Variants in ELP4 observed in about 807,000 individuals in gnomAD.
ELP4 encodes elongator complex protein 4.
A neutral mutation model predicts 48.9 loss-of-function variants in ELP4; 51 were observed. The ratio of observed to expected loss-of-function variants is 1.04; its 90% confidence interval spans 0.83 to 1.32. The LOEUF (loss-of-function observed/expected upper bound fraction) is 1.32. Ranked by LOEUF, ELP4 falls within the 40% of genes most tolerant of loss-of-function variation. ELP4 has a pLI of 0.00. For synonymous variants in ELP4, 210 were observed against 189.2 expected (o/e 1.11, Z -0.90); for missense variants, 519 against 514.6 (o/e 1.01, Z -0.08).
chr11:31,641,289 C>T (rs765032651), intron 7 of ELP4, among the ~76,000 whole-genome samples: 18 of 151,682 alleles, frequency 1.2e-4, no homozygotes, highest in Admixed American at 7.2e-4. Context: ...TATTTCATTA[C>T]GGGGCATTAT....
intron 9 of ELP4, among the ~76,000 whole-genome samples, chr11:31,673,615 C>T (rs1329282457): frequency 6.6e-6 from 1 of 152,156 alleles, no homozygotes; most frequent in Non-Finnish European, 1.5e-5. Flanking sequence ...AGGCATGAGC[C>T]ACTGCACCCA....
intron 9 of ELP4, chr11:31,763,303 C>A: frequency 1.0e-6 from 1 of 997,272 alleles, no homozygotes; most frequent in Non-Finnish European, 1.4e-6. Context: ...TAAAAAGATA[C>A]ACAATTGAGA....
chr11:31,596,730 A>G (rs796621097), intron 4 of ELP4, among the ~76,000 whole-genome samples: 2 of 152,320 alleles, frequency 1.3e-5, no homozygotes, highest in East Asian at 3.9e-4. Flanking sequence ...ACTGTGAACA[A>G]ACTACAAATT....
chr11:31,719,396 T>G (rs1946909993), intron 9 of ELP4: 3 of 396,976 alleles, frequency 7.6e-6, no homozygotes, highest in South Asian at 2.6e-4. Flanking sequence ...ATCATTTGTC[T>G]TAATGGCTCA....
intron 3 of ELP4, among the ~76,000 whole-genome samples, chr11:31,559,335 T>C (rs1268617310): frequency 6.6e-6 from 1 of 152,234 alleles, no homozygotes; most frequent in East Asian, 1.9e-4. Context: ...TTTCAAATTA[T>C]GATTTGTTAA....
At chr11:31,553,764 A>ACG (rs1491538602) in intron 3 of ELP4, among the ~76,000 whole-genome samples, 10 of 141,964 alleles carry the variant, frequency 7.0e-5, no homozygotes, top group African/African-American at 2.3e-4. Context: ...ACACACACAC[A>ACG]CCCTATTGGT....
chr11:31,691,632 G>GT (rs368762303), intron 9 of ELP4, among the ~76,000 whole-genome samples: 41 of 152,006 alleles, frequency 2.7e-4, no homozygotes, highest in African/African-American at 9.9e-4. Context: ...ACTGGCAGTG[G>GT]TTTTTTTAAC....
At chr11:31,636,208 G>A (rs1944973408) in intron 7 of ELP4, among the ~76,000 whole-genome samples, 1 of 151,940 alleles carries the variant, frequency 6.6e-6, no homozygotes, top group South Asian at 2.1e-4. Context: ...AAGATAGGAT[G>A]GAACAGAAAA....
intron 9 of ELP4, among the ~76,000 whole-genome samples, chr11:31,780,516 C>CT (rs1351994609): frequency 6.6e-6 from 1 of 152,188 alleles, no homozygotes; most frequent in Non-Finnish European, 1.5e-5. Context: ...ATACAACTAG[C>CT]TTTACAATGT....
intron 5 of ELP4, among the ~76,000 whole-genome samples, chr11:31,607,285 A>G (rs1957893778): frequency 6.6e-6 from 1 of 152,200 alleles, no homozygotes; most frequent in Non-Finnish European, 1.5e-5. Context: ...TGCTATAACA[A>G]AATACCTGAG....
intron 9 of ELP4, among the ~76,000 whole-genome samples, chr11:31,726,363 GTAT>G (rs1176988004): frequency 3.3e-5 from 5 of 152,152 alleles, no homozygotes; most frequent in East Asian, 3.9e-4. Context: ...CAGGGAACTG[GTAT>G]TATAGCAATT....
chr11:31,565,960 G>T (rs1032455859), intron 3 of ELP4, among the ~76,000 whole-genome samples: 4 of 152,116 alleles, frequency 2.6e-5, no homozygotes, highest in African/African-American at 7.2e-5. Flanking sequence ...AAATTACCTT[G>T]AGCATTATGG....
chr11:31,668,237 C>T (rs1350347645), intron 9 of ELP4, among the ~76,000 whole-genome samples: 1 of 152,026 alleles, frequency 6.6e-6, no homozygotes, highest in Non-Finnish European at 1.5e-5. Context: ...CTTTTCAACA[C>T]TTTTTAATAT....
chr11:31,537,804 A>G (rs1021300900), intron 2 of ELP4, among the ~76,000 whole-genome samples: 3 of 152,154 alleles, frequency 2.0e-5, no homozygotes, highest in African/African-American at 7.2e-5. Context: ...GGGGACTACA[A>G]TTTGACATGA....
chr11:31,786,766 G>A lies in ELP4; in HGVS notation c.*3242G>A, dbSNP rs187705792. ...AGGGTTAGGAGGCATAGCTTTGGGG[G>A]AAAAATATTCTAGAAATTCATTGCA... On this transcript the variant is annotated 3_prime_UTR_variant, in exon 10 of 10. Coordinates refer to ENST00000640961, the MANE Select transcript of ELP4 (RefSeq NM_019040.5). The A allele has an allele frequency of 3.2e-3, 717 of 222,440 alleles. 2 individuals are homozygous for A. The highest frequency in any genetic ancestry group is 4.6e-3 in the Non-Finnish European group (507 of 111,272). 13.8% of individuals were successfully genotyped at this position (222,440 alleles called of 1,614,324 possible).
chr11:31,518,292 G>C (rs1441076058), intron 1 of ELP4, among the ~76,000 whole-genome samples: 1 of 151,700 alleles, frequency 6.6e-6, no homozygotes, highest in Non-Finnish European at 1.5e-5. Context: ...TTTTAGTAGA[G>C]ACGGCGTTTC....
At chr11:31,558,409 G>GAGAACCAT (rs1956962122) in intron 3 of ELP4, among the ~76,000 whole-genome samples, 1 of 152,262 alleles carries the variant, frequency 6.6e-6, no homozygotes, top group South Asian at 2.1e-4. Context: ...ACTAGCTAGT[G>GAGAACCAT]AGAACCATTG....
chr11:31,554,346 G>A (rs569313584), intron 3 of ELP4, among the ~76,000 whole-genome samples: 13 of 152,106 alleles, frequency 8.5e-5, no homozygotes, highest in African/African-American at 2.7e-4. Flanking sequence ...GAATAGCATA[G>A]GTTTGGTTTT....
At chr11:31,757,668 T>G (rs567394790) in intron 9 of ELP4, among the ~76,000 whole-genome samples, 64 of 152,276 alleles carry the variant, frequency 4.2e-4, no homozygotes, top group African/African-American at 1.4e-3. Context: ...ACATGCACAC[T>G]AAACTTTGTC....
Sources: gnomAD v4.1 joint callset for allele counts (sites outside exome capture counted in the v4.1 genomes callset) on GRCh38, gnomAD v4.1.1 for gene constraint, MANE v1.5 for transcripts, NCBI Gene and HGNC (gene_info 2026-07-23, HGNC 2026-07-21) for gene names.